ZNF280D: variants seen among roughly 807,000 people sequenced by gnomAD.
The protein encoded by ZNF280D is zinc finger protein 280D, also known as suppressor of hairy wing homolog 4.
A neutral mutation model predicts 94.7 loss-of-function variants in ZNF280D; 39 were observed. The observed-to-expected ratio is 0.41, with a 90% confidence interval of 0.32 to 0.54. The LOEUF (loss-of-function observed/expected upper bound fraction) is 0.54, where lower values mean the gene tolerates loss of function less well. Ranked by LOEUF, ZNF280D falls within the 20% of genes least tolerant of loss-of-function variation. ZNF280D has a pLI of 0.22. For synonymous variants in ZNF280D, 398 were observed against 377.6 expected (o/e 1.05, Z -0.63); for missense variants, 1,090 against 1,149.3 (o/e 0.95, Z 0.75).
chr15:56,685,275 A>C (rs1247261054), intron 9 of ZNF280D, among the ~76,000 whole-genome samples: 1 of 152,166 alleles, frequency 6.6e-6, no homozygotes, highest in East Asian at 1.9e-4. Context: ...TGACAAAAAC[A>C]CTGATGATGA....
In ZNF280D at chr15:56,711,663, C is replaced by G. The variant is rs147461204; in HGVS notation, c.-85-4357G>C. ...TGGGTGACACAGCAAGACTCAGTCT[C>G]AAAAAAACAAAAAAAAGAACTGATC... On this transcript the variant is annotated intron_variant, in intron 1 of 21. Coordinates refer to ENST00000267807, the MANE Select transcript of ZNF280D (RefSeq NM_017661.4). Among the ~76,000 whole-genome samples the G allele has an allele frequency of 3.2e-3, 480 of 150,976 alleles. 6 individuals carry two copies. The highest frequency in any genetic ancestry group is 0.011 in the African/African-American group (454 of 41,132).
At chr15:56,668,985 G>GA in intron 13 of ZNF280D, 28 bp from the exon 14 acceptor site, 1 of 1,588,044 alleles carries the variant, frequency 6.3e-7, no homozygotes, top group Non-Finnish European at 8.5e-7. Context: ...GAAAAAGGGG[G>GA]AAAAATAATT....
chr15:56,669,084 T>G, intron 13 of ZNF280D, 127 bp from the exon 14 acceptor site: 9 of 784,774 alleles, frequency 1.1e-5, no homozygotes, highest in Non-Finnish European at 1.8e-5. Flanking sequence ...TAACATCTCC[T>G]ATCATAATAA....
intron 9 of ZNF280D, among the ~76,000 whole-genome samples, chr15:56,686,340 T>C (rs1025058914): frequency 4.6e-5 from 7 of 152,198 alleles, no homozygotes; most frequent in African/African-American, 1.4e-4. Context: ...GGTTTCACTA[T>C]GTTGGCCAGG....
chr15:56,721,607 T>A (rs1567040786), intron 1 of ZNF280D, among the ~76,000 whole-genome samples: 1 of 152,204 alleles, frequency 6.6e-6, no homozygotes, highest in Non-Finnish European at 1.5e-5. Flanking sequence ...GGAGACAGTG[T>A]CTCTCCTTAA....
At chr15:56,665,353 A>G (rs1343000451) in intron 16 of ZNF280D, among the ~76,000 whole-genome samples, 50 of 152,232 alleles carry the variant, frequency 3.3e-4, no homozygotes. Context: ...GCCTACTTAA[A>G]AAAAATACAA....
At chr15:56,655,830 G>A (rs1421431221) in intron 17 of ZNF280D, among the ~76,000 whole-genome samples, 1 of 152,132 alleles carries the variant, frequency 6.6e-6, no homozygotes, top group Non-Finnish European at 1.5e-5. Flanking sequence ...AAGCACTTGG[G>A]AGTTGGTTAC....
chr15:56,668,922 C>T lies in ZNF280D; in HGVS notation c.1446G>A (p.Leu482=), dbSNP rs776289674. 3 of 1,611,492 alleles carry T rather than the reference C, an allele frequency of 1.9e-6. No homozygotes were observed. The Admixed American group carries it at 5.0e-5, about 27-fold the overall frequency. Residue 482 remains leucine, a synonymous_variant, in exon 14 of 22, where the codon CTG becomes CTA. Coordinates refer to ENST00000267807, the MANE Select transcript of ZNF280D (RefSeq NM_017661.4). ...TTTTCTCCTTGCATGTCAAAAACTG[C>T]AGCCTGCATTTTGTACAACGATGTA... ...KGIHRCTKCR[L]QFLTCKEKMD... is the part of the protein sequence containing the mutation.
intron 16 of ZNF280D, among the ~76,000 whole-genome samples, chr15:56,664,698 A>T (rs975718552): frequency 4.6e-5 from 7 of 152,156 alleles, no homozygotes; most frequent in South Asian, 2.1e-4. Flanking sequence ...GATCTTTTTT[A>T]AAAAAATAAG....
intron 7 of ZNF280D, among the ~76,000 whole-genome samples, chr15:56,690,447 G>GGAAGTAGTAAGTATA (rs2056360006): frequency 6.6e-6 from 1 of 152,020 alleles, no homozygotes; most frequent in African/African-American, 2.4e-5. Context: ...CACACATAAT[G>GGAAGTAGTAAGTATA]GAAGTAGTAA....
At chr15:56,722,125 T>G (rs1481528063) in intron 1 of ZNF280D, among the ~76,000 whole-genome samples, 1 of 152,148 alleles carries the variant, frequency 6.6e-6, no homozygotes, top group Non-Finnish European at 1.5e-5. Flanking sequence ...GGTGGAGCAG[T>G]CAAAACACAC....
intron 1 of ZNF280D, among the ~76,000 whole-genome samples, chr15:56,727,837 T>C (rs1172194724): frequency 6.6e-6 from 1 of 152,196 alleles, no homozygotes; most frequent in African/African-American, 2.4e-5. Context: ...TTACTTTAGA[T>C]AAATTCCCTC....
At chr15:56,687,544 G>A (rs2056110647) in intron 9 of ZNF280D, among the ~76,000 whole-genome samples, 1 of 152,026 alleles carries the variant, frequency 6.6e-6, no homozygotes, top group South Asian at 2.1e-4. Flanking sequence ...TAGGAACCAG[G>A]TAAAAAAAGA....
intron 20 of ZNF280D, among the ~76,000 whole-genome samples, chr15:56,639,574 C>A (rs2052525752): frequency 6.6e-6 from 1 of 151,948 alleles, no homozygotes; most frequent in South Asian, 2.1e-4. Context: ...ACCTAAATAC[C>A]AAGAAACTGG....
intron 1 of ZNF280D, among the ~76,000 whole-genome samples, chr15:56,715,633 AAT>A (rs1344358352): frequency 6.6e-6 from 1 of 152,188 alleles, no homozygotes; most frequent in Non-Finnish European, 1.5e-5. Context: ...CAAATGAAGG[AAT>A]ATGTTAATTA....
At position 56,631,096 on chromosome 15, in the gene ZNF280D, C is replaced by T. The variant is rs1433121473; in HGVS notation, c.*402G>A. On this transcript the variant is annotated 3_prime_UTR_variant, in exon 22 of 22. Transcript: ENST00000267807. ...AAGTACATGGTTTCCAAATCCCTTC[C>T]TCTCAGTTAACTGAAAAGGATATAC... 1 of 162,746 alleles carries T rather than the reference C, an allele frequency of 6.1e-6. No individual in the cohort carries two copies. Among genetic ancestry groups the T allele is most frequent in the East Asian group, 1.7e-4 (1 of 5,878 alleles). The allele number at this position is 162,746 out of a possible 1,614,324, so 10.1% of individuals were successfully genotyped here.
intron 19 of ZNF280D, among the ~76,000 whole-genome samples, chr15:56,646,596 T>C (rs915974597): frequency 1.3e-5 from 2 of 152,232 alleles, no homozygotes; most frequent in Admixed American, 6.5e-5. Context: ...AATATATTTA[T>C]ATGTGGAAAG....
At chr15:56,681,994 G>A (rs1274622282) in intron 10 of ZNF280D, among the ~76,000 whole-genome samples, 1 of 151,870 alleles carries the variant, frequency 6.6e-6, no homozygotes, top group African/African-American at 2.4e-5. Context: ...ACAGAAAAAA[G>A]AAGTTCATTT....
At chr15:56,691,854 G>T (rs1197633541) in intron 7 of ZNF280D, among the ~76,000 whole-genome samples, 14 of 152,092 alleles carry the variant, frequency 9.2e-5, no homozygotes, top group African/African-American at 3.1e-4. Flanking sequence ...ATGTCCAAAT[G>T]AATGGTTCCA....
Sources: gnomAD v4.1 joint callset for allele counts (sites outside exome capture counted in the v4.1 genomes callset) on GRCh38, gnomAD v4.1.1 for gene constraint, MANE v1.5 for transcripts, NCBI Gene and HGNC (gene_info 2026-07-23, HGNC 2026-07-21) for gene names.